The following LRRTM4 variants were observed in gnomAD, a reference collection of about 807,000 sequenced individuals.
LRRTM4 encodes leucine-rich repeat transmembrane neuronal protein 4.
In LRRTM4, 25 loss-of-function variants were observed where a neutral mutation model predicts 47.6. The ratio of observed to expected loss-of-function variants is 0.53; its 90% CI spans 0.38 to 0.73. The LOEUF (loss-of-function observed/expected upper bound fraction) is 0.73. Among genes scored for constraint, LRRTM4 ranks in the 30% least tolerant of loss-of-function variants. The pLI is 0.00. For missense variants in LRRTM4, 638 were observed against 713.4 expected, an observed-to-expected ratio of 0.89 and a Z score of 1.20; for synonymous variants, 311 against 269.5, an observed-to-expected ratio of 1.15 and a Z score of -1.51.
In LRRTM4 at chr2:76,814,806, TACAC is replaced by T. The variant is rs111468624; in HGVS notation, c.1552-65894_1552-65891del. Among the ~76,000 whole-genome samples the T allele has an allele frequency of 8.2e-3, 432 of 52,634 alleles. 3 individuals carry two copies. Among genetic ancestry groups the T allele is most frequent in the African/African-American group, 0.023 (317 of 13,796 alleles). 34.5% of individuals were successfully genotyped at this position (52,634 alleles called of 152,430 possible). A position where few individuals can be genotyped will look rare whatever the true frequency, so the allele number is the denominator to read the frequency against. ...AATGGCTTCAAGATACACACACACA[TACAC>T]ACACACACACACACACACACACACA... On this transcript the variant is annotated intron_variant, in intron 3 of 3. Coordinates refer to ENST00000409884, the MANE Select transcript of LRRTM4 (RefSeq NM_001134745.3).
At chr2:77,520,573 A>G (rs562902971) in intron 2 of LRRTM4, among the ~76,000 whole-genome samples, 1 of 152,258 alleles carries the variant, frequency 6.6e-6, no homozygotes, top group South Asian at 2.1e-4. Flanking sequence ...CTAAATACTC[A>G]TAACAGAGAA....
intron 3 of LRRTM4, among the ~76,000 whole-genome samples, chr2:76,953,209 A>G (rs1041742780): frequency 1.3e-5 from 2 of 151,914 alleles, no homozygotes; most frequent in Non-Finnish European, 2.9e-5. Flanking sequence ...GAAAAACTTC[A>G]AACAAGAAGA....
intron 3 of LRRTM4, among the ~76,000 whole-genome samples, chr2:76,838,105 A>C (rs1671569726): frequency 7.6e-6 from 1 of 132,124 alleles, no homozygotes; most frequent in Non-Finnish European, 1.6e-5. Flanking sequence ...TAATAATAAA[A>C]GAATGGAAGA....
At chr2:77,516,410 CA>C (rs895140058) in intron 3 of LRRTM4, among the ~76,000 whole-genome samples, 1 of 151,772 alleles carries the variant, frequency 6.6e-6, no homozygotes, top group Non-Finnish European at 1.5e-5. Context: ...CCCCAGTTCT[CA>C]AATCCTGGTT....
At chr2:76,847,539 G>A (rs1054596810) in intron 3 of LRRTM4, among the ~76,000 whole-genome samples, 3 of 151,662 alleles carry the variant, frequency 2.0e-5, no homozygotes, top group Non-Finnish European at 2.9e-5. Flanking sequence ...ATGGCCAGCA[G>A]GTCAGTCTAG....
At chr2:76,873,482 A>ATG (rs563234887) in intron 3 of LRRTM4, among the ~76,000 whole-genome samples, 11 of 130,232 alleles carry the variant, frequency 8.4e-5, no homozygotes, top group South Asian at 2.5e-4. Flanking sequence ...GTATATATAT[A>ATG]TGTGTGTGTG....
intron 3 of LRRTM4, among the ~76,000 whole-genome samples, chr2:77,090,702 T>G (rs1452232220): frequency 6.6e-6 from 1 of 152,096 alleles, no homozygotes; most frequent in Non-Finnish European, 1.5e-5. Flanking sequence ...CAGCCCAGGA[T>G]TCCTCCTAAG....
At chr2:77,044,867 A>G (rs1323042386) in intron 3 of LRRTM4, among the ~76,000 whole-genome samples, 1 of 149,352 alleles carries the variant, frequency 6.7e-6, no homozygotes, top group Non-Finnish European at 1.5e-5. Flanking sequence ...ATAAACATAC[A>G]CAGACAAATG....
chr2:77,180,080 C>A (rs1673308128), intron 3 of LRRTM4, among the ~76,000 whole-genome samples: 2 of 152,036 alleles, frequency 1.3e-5, no homozygotes, highest in South Asian at 2.1e-4. Context: ...TGTTGGATAT[C>A]AATGTATAAG....
intron 3 of LRRTM4, among the ~76,000 whole-genome samples, chr2:77,290,798 TAC>T (rs1676802580): frequency 6.6e-6 from 1 of 152,076 alleles, no homozygotes; most frequent in African/African-American, 2.4e-5. Context: ...TTGTTTTTCC[TAC>T]AGTTTCATGA....
At chr2:77,030,619 A>T (rs1438340909) in intron 3 of LRRTM4, among the ~76,000 whole-genome samples, 1 of 152,254 alleles carries the variant, frequency 6.6e-6, no homozygotes, top group Admixed American at 6.5e-5. Context: ...CTTTAAAACA[A>T]TTTTTCAAAA....
At chr2:77,417,846 G>T (rs1402951252) in intron 3 of LRRTM4, among the ~76,000 whole-genome samples, 3 of 151,998 alleles carry the variant, frequency 2.0e-5, no homozygotes, top group African/African-American at 7.3e-5. Flanking sequence ...CACCAACATG[G>T]CACATGTATA....
At chr2:77,432,524 A>G (rs896780785) in intron 3 of LRRTM4, among the ~76,000 whole-genome samples, 1 of 152,266 alleles carries the variant, frequency 6.6e-6, no homozygotes, top group Non-Finnish European at 1.5e-5. Flanking sequence ...CATTCAATTT[A>G]GAGAAAATGT....
Position 76,817,658 on chromosome 2 carries a change from G to A in LRRTM4, c.1552-68742C>T, listed in dbSNP as rs555579507. On this transcript the variant is annotated intron_variant, in intron 3 of 3. Coordinates refer to ENST00000409884, the MANE Select transcript of LRRTM4 (RefSeq NM_001134745.3). ...GTCAGAATTGCAGCCAGAGAATGAG[G>A]CTATGCCCATATATGACTACTCAAC... Among the ~76,000 whole-genome samples the A allele has an allele frequency of 2.2e-4, 33 of 152,056 alleles. 1 individual carries two copies. In the South Asian group the frequency reaches 6.8e-3, roughly 32 times the overall value.
chr2:76,978,645 A>G (rs1489958996), intron 3 of LRRTM4, among the ~76,000 whole-genome samples: 1 of 152,038 alleles, frequency 6.6e-6, no homozygotes, highest in Non-Finnish European at 1.5e-5. Context: ...CAGAGGTTCT[A>G]CCTACAAGAT....
At chr2:76,977,719 C>G (rs895176427) in intron 3 of LRRTM4, among the ~76,000 whole-genome samples, 1 of 151,888 alleles carries the variant, frequency 6.6e-6, no homozygotes, top group African/African-American at 2.4e-5. Flanking sequence ...ATTTCATTCT[C>G]TTTGTTATAA....
intron 3 of LRRTM4, among the ~76,000 whole-genome samples, chr2:77,129,157 T>C (rs929043945): frequency 1.3e-5 from 2 of 152,228 alleles, no homozygotes; most frequent in African/African-American, 4.8e-5. Flanking sequence ...TGAACTCATG[T>C]ATATGTCAAG....
intron 3 of LRRTM4, among the ~76,000 whole-genome samples, chr2:76,802,098 T>C (rs1350312297): frequency 6.6e-6 from 1 of 152,002 alleles, no homozygotes; most frequent in Non-Finnish European, 1.5e-5. Context: ...TTTTATTCAA[T>C]ACAGTATTGA....
At chr2:76,754,741 G>A (rs1021907571) in intron 3 of LRRTM4, among the ~76,000 whole-genome samples, 4 of 152,060 alleles carry the variant, frequency 2.6e-5, no homozygotes, top group Admixed American at 2.6e-4. Flanking sequence ...AACTTCTCTT[G>A]ACCACTATAA....
Sources: gnomAD v4.1 joint callset for allele counts (sites outside exome capture counted in the v4.1 genomes callset) on GRCh38, gnomAD v4.1.1 for gene constraint, MANE v1.5 for transcripts, NCBI Gene and HGNC (gene_info 2026-07-23, HGNC 2026-07-21) for gene names.